The following GRID2 variants were observed in gnomAD, a reference collection of about 807,000 sequenced individuals.
GRID2 encodes glutamate ionotropic receptor delta type subunit 2, also known as glutamate receptor ionotropic, delta-2.
Under a neutral mutation model 114.8 loss-of-function variants are expected in GRID2, and 33 were observed. The ratio of observed to expected loss-of-function variants is 0.29; its 90% CI spans 0.22 to 0.38. The LOEUF is 0.38. Ranked by LOEUF, GRID2 falls within the 10% of genes least tolerant of loss-of-function variation. The pLI is 1.00. For synonymous variants in GRID2, 505 were observed against 449.9 expected (o/e 1.12, Z -1.55); for missense variants, 1,184 against 1,257.7 (o/e 0.94, Z 0.89).
intron 2 of GRID2, among the ~76,000 whole-genome samples, chr4:92,907,411 A>G (rs1223553040): frequency 6.6e-6 from 1 of 151,928 alleles, no homozygotes; most frequent in Non-Finnish European, 1.5e-5. Flanking sequence ...AGTCCATTCC[A>G]GTTTTAAATT....
At chr4:92,367,075 CT>C (rs1728905027) in intron 1 of GRID2, among the ~76,000 whole-genome samples, 2 of 152,100 alleles carry the variant, frequency 1.3e-5, no homozygotes, top group South Asian at 4.2e-4. Flanking sequence ...TAGAATGTCC[CT>C]TAATTTGAGT....
chr4:92,638,371 C>G (rs879800009), intron 2 of GRID2, among the ~76,000 whole-genome samples: 1 of 150,360 alleles, frequency 6.7e-6, no homozygotes, highest in Non-Finnish European at 1.5e-5. Context: ...ACAATCAGCA[C>G]CTCAGTTCCC....
chr4:92,804,722 A>C (rs1740332728), intron 2 of GRID2, among the ~76,000 whole-genome samples: 2 of 152,044 alleles, frequency 1.3e-5, no homozygotes. Context: ...TAATTAATTC[A>C]CCAAGATTGC....
At chr4:92,799,536 T>C (rs1037899996) in intron 2 of GRID2, among the ~76,000 whole-genome samples, 3 of 152,046 alleles carry the variant, frequency 2.0e-5, no homozygotes, top group African/African-American at 7.2e-5. Flanking sequence ...GTAGCCTCCT[T>C]GTCACTGTGT....
intron 2 of GRID2, among the ~76,000 whole-genome samples, chr4:93,049,011 A>G (rs1211483168): frequency 6.6e-6 from 1 of 152,060 alleles, no homozygotes; most frequent in Non-Finnish European, 1.5e-5. Context: ...AAGCTCTAGC[A>G]TTCTAAAGTA....
intron 9 of GRID2, among the ~76,000 whole-genome samples, chr4:93,413,813 A>T (rs776234865): frequency 1.1e-4 from 17 of 152,212 alleles, no homozygotes; most frequent in Non-Finnish European, 2.1e-4. Flanking sequence ...AAAAGAAAGT[A>T]TACATTTTAA....
chr4:92,412,655 A>T (rs963492248), intron 1 of GRID2, among the ~76,000 whole-genome samples: 1 of 152,182 alleles, frequency 6.6e-6, no homozygotes, highest in African/African-American at 2.4e-5. Flanking sequence ...ATTCACTGAG[A>T]ATTTGTAATA....
intron 1 of GRID2, among the ~76,000 whole-genome samples, chr4:92,486,682 A>G (rs546708091): frequency 2.0e-5 from 3 of 151,970 alleles, no homozygotes; most frequent in Non-Finnish European, 4.4e-5. Flanking sequence ...TGCAAATCAT[A>G]TATGTCATAA....
chr4:93,258,774 A>G (rs957335642), intron 8 of GRID2: 3 of 362,042 alleles, frequency 8.3e-6, no homozygotes, highest in African/African-American at 4.3e-5. Context: ...AGCTATAATT[A>G]ACCACTACAA....
At chr4:92,928,466 A>G (rs1749994946) in intron 2 of GRID2, among the ~76,000 whole-genome samples, 1 of 151,730 alleles carries the variant, frequency 6.6e-6, no homozygotes, top group East Asian at 1.9e-4. Context: ...ATACACGGAG[A>G]ATTAAATACA....
intron 2 of GRID2, among the ~76,000 whole-genome samples, chr4:92,997,666 AC>A (rs1386874521): frequency 6.6e-6 from 1 of 152,146 alleles, no homozygotes; most frequent in Admixed American, 6.6e-5. Context: ...GTTTTAGGAA[AC>A]ACTGAGAAAA....
intron 1 of GRID2, among the ~76,000 whole-genome samples, chr4:92,357,703 T>C (rs1351104899): frequency 6.6e-6 from 1 of 151,894 alleles, no homozygotes; most frequent in East Asian, 1.9e-4. Context: ...GGCTTATTTA[T>C]AATATAAATA....
intron 2 of GRID2, among the ~76,000 whole-genome samples, chr4:92,834,429 T>C (rs1742318197): frequency 6.6e-6 from 1 of 152,150 alleles, no homozygotes; most frequent in South Asian, 2.1e-4. Flanking sequence ...CAGTGGAATA[T>C]TGTCTATAGG....
intron 2 of GRID2, among the ~76,000 whole-genome samples, chr4:92,600,130 C>A (rs1298574079): frequency 7.2e-6 from 1 of 138,114 alleles, no homozygotes; most frequent in Admixed American, 7.6e-5. Flanking sequence ...GGTGGGGAAG[C>A]AGTTGACAAA....
intron 14 of GRID2, among the ~76,000 whole-genome samples, chr4:93,673,728 A>G (rs1021128295): frequency 1.2e-4 from 18 of 152,294 alleles, no homozygotes; most frequent in African/African-American, 4.1e-4. Context: ...ATAACCTTAG[A>G]CATTCTAATC....
At chr4:92,715,783 G>A (rs1483930641) in intron 2 of GRID2, among the ~76,000 whole-genome samples, 4 of 152,122 alleles carry the variant, frequency 2.6e-5, no homozygotes, top group South Asian at 2.1e-4. Flanking sequence ...CCCACAACAC[G>A]TGGAAATTGT....
At chr4:93,488,994 A>C (rs1726700521) in intron 11 of GRID2, among the ~76,000 whole-genome samples, 1 of 152,052 alleles carries the variant, frequency 6.6e-6, no homozygotes, top group Non-Finnish European at 1.5e-5. Flanking sequence ...TGAGAGAGAA[A>C]TAATTTAGTC....
intron 4 of GRID2, among the ~76,000 whole-genome samples, chr4:93,177,281 G>C (rs1284028583): frequency 6.6e-6 from 1 of 151,926 alleles, no homozygotes; most frequent in Admixed American, 6.6e-5. Context: ...AAGTGCTTTA[G>C]AAGTAAAGAG....
intron 8 of GRID2, among the ~76,000 whole-genome samples, chr4:93,274,221 T>G (rs750096206): frequency 3.0e-4 from 45 of 152,112 alleles, no homozygotes; most frequent in Non-Finnish European, 1.8e-4. Flanking sequence ...AAATCAAGAT[T>G]TAAATTTTAA....
Sources: allele counts gnomAD v4.1 joint callset (sites outside exome capture counted in the v4.1 genomes callset), GRCh38; gene constraint gnomAD v4.1.1; transcripts MANE v1.5; gene names NCBI Gene and HGNC (gene_info 2026-07-23, HGNC 2026-07-21).